The following PDE3B variants were observed in gnomAD, a reference collection of about 807,000 sequenced individuals.
The protein encoded by PDE3B is phosphodiesterase 3B.
PDE3B carries 66 observed loss-of-function variants against 116.8 expected under a neutral mutation model. That is an observed-to-expected ratio of 0.56 (90% CI 0.46 to 0.69). The LOEUF (loss-of-function observed/expected upper bound fraction) is 0.69. PDE3B is among the 30% of genes least tolerant of loss of function. The pLI, the probability that PDE3B is intolerant of heterozygous loss-of-function variation, is 0.00. For synonymous variants in PDE3B, 595 were observed against 533.6 expected (o/e 1.12, Z -1.59); for missense variants, 1,384 against 1,368.1 (o/e 1.01, Z -0.18).
At chr11:14,745,076 C>T (rs895099327) in intron 1 of PDE3B, among the ~76,000 whole-genome samples, 1 of 152,128 alleles carries the variant, frequency 6.6e-6, no homozygotes, top group Non-Finnish European at 1.5e-5. Context: ...CCTCCCACCT[C>T]GGCCTCCCAA....
intron 1 of PDE3B, among the ~76,000 whole-genome samples, chr11:14,728,348 G>A (rs1362759723): frequency 6.6e-6 from 1 of 152,048 alleles, no homozygotes; most frequent in African/African-American, 2.4e-5. Context: ...TGCTACAATT[G>A]TGGAGAAATT....
chr11:14,817,304 G>T (rs1441405023), intron 5 of PDE3B, among the ~76,000 whole-genome samples: 2 of 152,032 alleles, frequency 1.3e-5, no homozygotes. Context: ...GGGGACGGGG[G>T]ATGGATAGCA....
chr11:14,778,484 A>G (rs1353652490), intron 2 of PDE3B, among the ~76,000 whole-genome samples: 1 of 152,200 alleles, frequency 6.6e-6, no homozygotes, highest in African/African-American at 2.4e-5. Flanking sequence ...AGGAACGATC[A>G]GGCAGCAACA....
intron 1 of PDE3B, among the ~76,000 whole-genome samples, chr11:14,689,068 C>T (rs1021245074): frequency 9.2e-5 from 14 of 152,206 alleles, no homozygotes; most frequent in African/African-American, 2.9e-4. Context: ...CCACTGTATG[C>T]GTCCCACATA....
intron 14 of PDE3B, among the ~76,000 whole-genome samples, chr11:14,862,874 T>C (rs1847976511): frequency 1.3e-5 from 2 of 152,274 alleles, no homozygotes; most frequent in South Asian, 4.2e-4. Context: ...GCCCGGCTGT[T>C]CTTAAATCTT....
At chr11:14,820,961 T>C (rs188468449) in intron 7 of PDE3B, among the ~76,000 whole-genome samples, 1 of 152,342 alleles carries the variant, frequency 6.6e-6, no homozygotes, top group East Asian at 1.9e-4. Flanking sequence ...GTATGTAATT[T>C]ATACTCAATA....
chr11:14,791,977 GT>G (rs1019167907), intron 4 of PDE3B, among the ~76,000 whole-genome samples: 19 of 151,712 alleles, frequency 1.3e-4, no homozygotes, highest in African/African-American at 2.4e-5. Context: ...TTATTACTGT[GT>G]TTTTTTTCCT....
At chr11:14,818,049 A>G (rs993872130) in intron 5 of PDE3B, 134 bp from the exon 6 acceptor site, 1 of 636,930 alleles carries the variant, frequency 1.6e-6, no homozygotes, top group South Asian at 2.2e-5. Context: ...CCATGCAGGA[A>G]TTTATAATTT....
chr11:14,742,234 C>T (rs760573096), intron 1 of PDE3B, among the ~76,000 whole-genome samples: 6 of 152,294 alleles, frequency 3.9e-5, no homozygotes, highest in South Asian at 2.1e-4. Context: ...ACAAATCAAA[C>T]GCAATTTGGT....
intron 1 of PDE3B, among the ~76,000 whole-genome samples, chr11:14,683,310 T>C (rs1273172927): frequency 6.6e-6 from 1 of 151,908 alleles, no homozygotes; most frequent in African/African-American, 2.4e-5. Flanking sequence ...TTTTTTTCTT[T>C]TTGTTTTTTT....
At chr11:14,724,370 A>C (rs551717306) in intron 1 of PDE3B, among the ~76,000 whole-genome samples, 1 of 152,288 alleles carries the variant, frequency 6.6e-6, no homozygotes, top group South Asian at 2.1e-4. Flanking sequence ...AATTTGAGAT[A>C]TGTTTGAGAC....
the PDE3B span, chr11:14,886,138 C>A: frequency 1.8e-6 from 1 of 554,332 alleles, no homozygotes. Context: ...AAGTCACAGT[C>A]TTACCAACAG....
At chr11:14,817,722 T>G (rs911030558) in intron 5 of PDE3B, among the ~76,000 whole-genome samples, 2 of 152,088 alleles carry the variant, frequency 1.3e-5, no homozygotes, top group African/African-American at 4.8e-5. Flanking sequence ...GGCAATGAAA[T>G]GAGACCCCAT....
chr11:14,786,991 G>A (rs896953299), intron 3 of PDE3B, among the ~76,000 whole-genome samples: 7 of 151,934 alleles, frequency 4.6e-5, no homozygotes, highest in Non-Finnish European at 7.4e-5. Context: ...GTCAGATCAC[G>A]TTATTGCTCT....
chr11:14,644,133 GC>G lies in PDE3B; in HGVS notation c.60del (p.Gly21AlafsTer7). The G allele has an allele frequency of 6.3e-7, 1 of 1,587,416 alleles. No individual in the cohort carries two copies. The highest frequency in any genetic ancestry group is 8.5e-7 in the Non-Finnish European group (1 of 1,175,012). ...AMRSLQPPDGAGSPPESLRNG... is the reference protein window; with the variant it reads ...AMRSLQPPDGXGSPPESLRNG... ...GCGGTCCCTGCAGCCGCCGGATGGG[GC>G]CGGCTCGCCCCCCGAGAGTCTGAGG... is the stretch of plus-strand genomic sequence containing the variant. On this transcript the variant is annotated frameshift_variant, in exon 1 of 16. Transcript: ENST00000282096. LOFTEE classifies it high-confidence loss of function.
rs528903494 is a variant in PDE3B, at chr11:14,699,820, T to C, written c.978+54767T>C. On this transcript the variant is annotated intron_variant, in intron 1 of 15. Transcript: ENST00000282096. ...TTTAGTGAAACCTACAAAAGAATAA[T>C]GTTAGAGAAAATTGTACTTTTTAGC... 3.3e-5 allele frequency among the ~76,000 whole-genome samples: 5 copies of C among 151,914 alleles called. No individual in the cohort carries two copies. The East Asian group carries it at 9.7e-4, about 29-fold the overall frequency.
intron 4 of PDE3B, among the ~76,000 whole-genome samples, chr11:14,795,452 T>G (rs1858524305): frequency 6.6e-6 from 1 of 152,240 alleles, no homozygotes; most frequent in Admixed American, 6.5e-5. Context: ...CGTATTGATT[T>G]ATGTAATTTC....
chr11:14,732,732 C>T (rs1334416785), intron 1 of PDE3B, among the ~76,000 whole-genome samples: 1 of 152,172 alleles, frequency 6.6e-6, no homozygotes, highest in Non-Finnish European at 1.5e-5. Context: ...TTAGACCCTG[C>T]AGAACCCACG....
At chr11:14,805,416 A>G (rs1398295962) in intron 5 of PDE3B, among the ~76,000 whole-genome samples, 1 of 152,166 alleles carries the variant, frequency 6.6e-6, no homozygotes, top group Admixed American at 6.6e-5. Flanking sequence ...ATTAAATAGG[A>G]ATAAAAATTT....
Sources: allele counts gnomAD v4.1 joint callset (sites outside exome capture counted in the v4.1 genomes callset), GRCh38; gene constraint gnomAD v4.1.1; transcripts MANE v1.5; gene names NCBI Gene and HGNC (gene_info 2026-07-23, HGNC 2026-07-21).